The following DOCK10 variants were observed in gnomAD, a reference collection of about 807,000 sequenced individuals.
The protein encoded by DOCK10 is dedicator of cytokinesis 10, also known as dedicator of cytokinesis protein 10.
A neutral mutation model predicts 280.1 loss-of-function variants in DOCK10; 145 were observed. The observed-to-expected ratio is 0.52, with a 90% CI of 0.45 to 0.59. The LOEUF (loss-of-function observed/expected upper bound fraction) is 0.59. Ranked by LOEUF, DOCK10 falls within the 20% of genes least tolerant of loss-of-function variation. DOCK10 has a pLI of 0.00. For missense variants in DOCK10, 2,368 were observed against 2,651.7 expected (o/e 0.89, Z 2.35); for synonymous variants, 915 against 942.2 (o/e 0.97, Z 0.53).
At chr2:224,986,683 C>T (rs1472681530) in intron 1 of DOCK10, among the ~76,000 whole-genome samples, 1 of 152,086 alleles carries the variant, frequency 6.6e-6, no homozygotes, top group African/African-American at 2.4e-5. Context: ...TGAGAAGGTG[C>T]TATTTGCAAG....
intron 26 of DOCK10, among the ~76,000 whole-genome samples, chr2:224,830,920 T>TTATTTATTTATTTA (rs1695183667): frequency 1.3e-5 from 2 of 148,534 alleles, no homozygotes; most frequent in Admixed American, 6.7e-5. Flanking sequence ...CTAAACAAAC[T>TTATTTATTTATTTA]TTTATTTATT....
intron 2 of DOCK10, among the ~76,000 whole-genome samples, chr2:224,927,204 G>C (rs1041981782): frequency 6.6e-6 from 1 of 151,884 alleles, no homozygotes; most frequent in Non-Finnish European, 1.5e-5. Flanking sequence ...GCAAGTTGGG[G>C]GAACAGAAAG....
intron 38 of DOCK10, among the ~76,000 whole-genome samples, chr2:224,804,589 C>A (rs1693259529): frequency 6.6e-6 from 1 of 151,560 alleles, no homozygotes; most frequent in Non-Finnish European, 1.5e-5. Context: ...TGCTTTTCTC[C>A]CTAGACAACA....
intron 1 of DOCK10, among the ~76,000 whole-genome samples, chr2:224,997,380 T>C (rs1278240558): frequency 6.6e-6 from 1 of 152,036 alleles, no homozygotes; most frequent in African/African-American, 2.4e-5. Context: ...TACAGGTGCC[T>C]GCCACCATGC....
At chr2:224,931,057 T>C (rs80083791) in intron 2 of DOCK10, among the ~76,000 whole-genome samples, 3,250 of 152,332 alleles carry the variant, frequency 0.021, 109 homozygotes, top group African/African-American at 0.074. Context: ...AATCTCTCCA[T>C]GAAGATGTTC....
At chr2:224,848,592 T>C (rs941973964) in intron 19 of DOCK10, among the ~76,000 whole-genome samples, 2 of 152,118 alleles carry the variant, frequency 1.3e-5, no homozygotes, top group Non-Finnish European at 2.9e-5. Context: ...ATCCATCAAA[T>C]AGGGAGGTAA....
At position 224,793,054 on chromosome 2, in the gene DOCK10, T is replaced by C; in HGVS notation, c.5231A>G (p.Lys1744Arg). Reference sequence around the variant, plus strand: ...CGAGAGCAGGGATGCTGTGCAAATCTTTTCCACTTTCCAGTAACCTATGGT... The same window carrying C: ...CGAGAGCAGGGATGCTGTGCAAATCCTTTCCACTTTCCAGTAACCTATGGT... ...LKRKGYWKVE[K>R]ICTASLLSED... Residue 1744 changes from lysine (K) to arginine (R), a missense_variant, in exon 47 of 56, where the codon AAG (lysine) becomes AGG (arginine). By Grantham distance (26) the Lys-to-Arg change is conservative. This residue lies in a region of DOCK10 where 1,159 missense variants were observed against 1,400.8 expected (regional missense o/e 0.83). Coordinates refer to ENST00000258390, the MANE Select transcript of DOCK10 (RefSeq NM_014689.3). 1 of 1,612,692 alleles carries C rather than the reference T, an allele frequency of 6.2e-7. No homozygotes were observed. The highest frequency in any genetic ancestry group is 8.5e-7 in the Non-Finnish European group (1 of 1,179,100).
chr2:224,803,017 C>A (rs1693123766), intron 39 of DOCK10, among the ~76,000 whole-genome samples: 1 of 152,172 alleles, frequency 6.6e-6, no homozygotes, highest in East Asian at 1.9e-4. Context: ...GTGCGTGATT[C>A]CTTGGCTCTA....
intron 4 of DOCK10, among the ~76,000 whole-genome samples, chr2:224,887,066 C>A (rs1574997858): frequency 6.6e-6 from 1 of 152,104 alleles, no homozygotes; most frequent in East Asian, 1.9e-4. Context: ...GTTTGGCCTT[C>A]TAATTACATA....
At chr2:224,819,380 G>T in intron 29 of DOCK10, 66 bp downstream of exon 29, 1 of 1,080,778 alleles carries the variant, frequency 9.3e-7, no homozygotes, top group Non-Finnish European at 1.4e-6. Flanking sequence ...GGTATCCACA[G>T]AGACTACTTT....
At chr2:224,951,345 G>A (rs1161474331) in intron 1 of DOCK10, among the ~76,000 whole-genome samples, 2 of 152,044 alleles carry the variant, frequency 1.3e-5, no homozygotes, top group African/African-American at 2.4e-5. Flanking sequence ...ATGTAAGTAT[G>A]TATTTATGTA....
intron 1 of DOCK10, among the ~76,000 whole-genome samples, chr2:224,956,823 A>G (rs189046437): frequency 2.0e-5 from 3 of 152,268 alleles, no homozygotes; most frequent in African/African-American, 7.2e-5. Context: ...GATCTCATTT[A>G]TAAAATCAAA....
chr2:224,943,555 C>A (rs1324677725), intron 1 of DOCK10, among the ~76,000 whole-genome samples: 1 of 152,120 alleles, frequency 6.6e-6, no homozygotes, highest in African/African-American at 2.4e-5. Flanking sequence ...TAAGTATCTG[C>A]AACGATCACT....
chr2:224,792,832 A>T, intron 47 of DOCK10, 142 bp downstream of exon 47: 1 of 578,664 alleles, frequency 1.7e-6, no homozygotes, highest in Non-Finnish European at 3.0e-6. Context: ...GCAGGAGTTT[A>T]AGTTTTTTGC....
At chr2:224,922,961 T>G (rs754170987) in intron 2 of DOCK10, among the ~76,000 whole-genome samples, 2 of 152,228 alleles carry the variant, frequency 1.3e-5, no homozygotes, top group Admixed American at 6.5e-5. Context: ...AAAAGTGATT[T>G]TAACCTAAAT....
At chr2:225,002,302 G>A (rs1490118726) in intron 1 of DOCK10, among the ~76,000 whole-genome samples, 1 of 152,070 alleles carries the variant, frequency 6.6e-6, no homozygotes, top group Non-Finnish European at 1.5e-5. Flanking sequence ...TTGCCATTTT[G>A]CCCTTTAAAA....
intron 27 of DOCK10, among the ~76,000 whole-genome samples, chr2:224,827,262 C>CA (rs111476278): frequency 1.5e-3 from 166 of 110,010 alleles, no homozygotes; most frequent in East Asian, 6.6e-3. Flanking sequence ...AACTCCGTCT[C>CA]AAAAAAAAAA....
chr2:224,950,176 G>T (rs1434603739), intron 1 of DOCK10, among the ~76,000 whole-genome samples: 1 of 152,190 alleles, frequency 6.6e-6, no homozygotes, highest in Non-Finnish European at 1.5e-5. Flanking sequence ...CCCAGAGATG[G>T]TTTGCATTAA....
intron 1 of DOCK10, among the ~76,000 whole-genome samples, chr2:224,953,521 A>G (rs1703876659): frequency 2.0e-5 from 3 of 152,136 alleles, no homozygotes; most frequent in Non-Finnish European, 2.9e-5. Flanking sequence ...TCTTAAAGTT[A>G]GTGGTACTCA....
Sources: gnomAD v4.1 joint callset for allele counts (sites outside exome capture counted in the v4.1 genomes callset) on GRCh38, gnomAD v4.1.1 for gene constraint, gnomAD v4.1.1 regional missense constraint, MANE v1.5 for transcripts, NCBI Gene and HGNC (gene_info 2026-07-23, HGNC 2026-07-21) for gene names.